ZNF385D: variants seen among roughly 807,000 people sequenced by gnomAD.
The protein encoded by ZNF385D is zinc finger protein 659.
Under a neutral mutation model 35.8 loss-of-function variants are expected in ZNF385D, and 15 were observed. The observed-to-expected ratio is 0.42, with a 90% CI of 0.28 to 0.64. ZNF385D has a LOEUF of 0.64. ZNF385D is among the 30% of genes least tolerant of loss of function. ZNF385D has a pLI of 0.23. For missense variants in ZNF385D, 474 were observed against 494.6 expected, an observed-to-expected ratio of 0.96 and a Z score of 0.39; for synonymous variants, 212 against 186.8, an observed-to-expected ratio of 1.13 and a Z score of -1.10.
intron 3 of ZNF385D, among the ~76,000 whole-genome samples, chr3:21,809,873 C>T (rs1488823161): frequency 6.6e-6 from 1 of 151,700 alleles, no homozygotes. Flanking sequence ...TGAGGTATAA[C>T]TAAAAAAGAA....
At chr3:21,729,228 T>C (rs897028606) in intron 1 of ZNF385D, among the ~76,000 whole-genome samples, 10 of 152,142 alleles carry the variant, frequency 6.6e-5, no homozygotes, top group Non-Finnish European at 1.3e-4. Context: ...TCCTTACACC[T>C]TGAGGCATAA....
chr3:22,048,211 G>A (rs1211384752), intron 3 of ZNF385D, among the ~76,000 whole-genome samples: 1 of 151,708 alleles, frequency 6.6e-6, no homozygotes, highest in African/African-American at 2.4e-5. Context: ...TCTATTTGTT[G>A]TTTCCTTTCC....
chr3:21,715,038 AT>A (rs1265268825), intron 1 of ZNF385D, among the ~76,000 whole-genome samples: 2 of 152,136 alleles, frequency 1.3e-5, no homozygotes, highest in Non-Finnish European at 1.5e-5. Flanking sequence ...TTCAGGTTGT[AT>A]TTTAAATCTT....
intron 1 of ZNF385D, among the ~76,000 whole-genome samples, chr3:21,676,635 C>T (rs1292376273): frequency 2.0e-5 from 3 of 151,992 alleles, no homozygotes; most frequent in Non-Finnish European, 2.9e-5. Flanking sequence ...ACTTTACATA[C>T]ATTATTTGTA....
intron 5 of ZNF385D, among the ~76,000 whole-genome samples, chr3:21,435,255 A>ATTTTTTTTTT (rs3064965): frequency 8.8e-6 from 1 of 113,420 alleles, no homozygotes; most frequent in African/African-American, 3.4e-5. Context: ...ACAACTCCCA[A>ATTTTTTTTTT]TTTTTTTTTT....
intron 3 of ZNF385D, among the ~76,000 whole-genome samples, chr3:21,917,552 G>A (rs181931001): frequency 2.0e-5 from 3 of 152,336 alleles, no homozygotes; most frequent in Non-Finnish European, 4.4e-5. Context: ...CATATGCTAT[G>A]ACATGAAAAG....
chr3:22,139,720 C>G (rs544118765), intron 3 of ZNF385D, among the ~76,000 whole-genome samples: 1 of 152,044 alleles, frequency 6.6e-6, no homozygotes, highest in South Asian at 2.1e-4. Flanking sequence ...ACATATGTAA[C>G]AAACCTGCAC....
intron 2 of ZNF385D, among the ~76,000 whole-genome samples, chr3:22,241,270 C>T (rs1454761741): frequency 1.3e-5 from 2 of 151,144 alleles, no homozygotes; most frequent in East Asian, 3.9e-4. Flanking sequence ...AGGAAGGTGG[C>T]AAGACTTTGG....
intron 3 of ZNF385D, among the ~76,000 whole-genome samples, chr3:22,140,403 G>T (rs1040782019): frequency 1.3e-5 from 2 of 152,142 alleles, no homozygotes; most frequent in African/African-American, 4.8e-5. Flanking sequence ...AACAGGCCGA[G>T]GTTGGGGAAA....
intron 3 of ZNF385D, among the ~76,000 whole-genome samples, chr3:21,906,087 T>C (rs1422414820): frequency 6.6e-6 from 1 of 152,184 alleles, no homozygotes; most frequent in African/African-American, 2.4e-5. Context: ...TATCCATCTC[T>C]TACTCATCTT....
chr3:21,839,811 C>T (rs559152281), intron 3 of ZNF385D, among the ~76,000 whole-genome samples: 33 of 152,132 alleles, frequency 2.2e-4, no homozygotes, highest in African/African-American at 7.9e-4. Context: ...ACTTGACCCT[C>T]ATTACTCCCA....
intron 2 of ZNF385D, among the ~76,000 whole-genome samples, chr3:21,626,213 T>C (rs950708431): frequency 1.1e-4 from 16 of 152,054 alleles, no homozygotes; most frequent in African/African-American, 3.9e-4. Context: ...GCAGAGGTTG[T>C]AGAACAAACC....
intron 2 of ZNF385D, among the ~76,000 whole-genome samples, chr3:22,262,744 T>C (rs1700699533): frequency 6.6e-6 from 1 of 151,926 alleles, no homozygotes; most frequent in South Asian, 2.1e-4. Flanking sequence ...TACAAACTTT[T>C]TGGGTTGTTT....
chr3:21,428,831 G>T (rs1418719829), intron 5 of ZNF385D, among the ~76,000 whole-genome samples: 1 of 151,470 alleles, frequency 6.6e-6, no homozygotes, highest in African/African-American at 2.4e-5. Flanking sequence ...TAAAAGGCTG[G>T]TACTGACAAA....
At chr3:21,566,027 G>A (rs1559412409) in intron 2 of ZNF385D, among the ~76,000 whole-genome samples, 1 of 152,168 alleles carries the variant, frequency 6.6e-6, no homozygotes, top group African/African-American at 2.4e-5. Context: ...GAAAGTTTCT[G>A]ACTTCTTTGT....
intron 2 of ZNF385D, among the ~76,000 whole-genome samples, chr3:22,196,687 CAT>C (rs1239443147): frequency 6.6e-6 from 1 of 151,972 alleles, no homozygotes; most frequent in African/African-American, 2.4e-5. Context: ...TGATTTTGCT[CAT>C]GTTTCACTTG....
chr3:22,039,389 TG>T (rs1698529071), intron 3 of ZNF385D, among the ~76,000 whole-genome samples: 1 of 152,100 alleles, frequency 6.6e-6, no homozygotes, highest in Admixed American at 6.6e-5. Context: ...ACATTTTCAG[TG>T]GCTTCTCAAC....
intron 3 of ZNF385D, among the ~76,000 whole-genome samples, chr3:21,782,270 A>C (rs2071520546): frequency 6.6e-6 from 1 of 152,114 alleles, no homozygotes; most frequent in Non-Finnish European, 1.5e-5. Flanking sequence ...TGGAGGTCAC[A>C]ATGTGAGCAC....
chr3:21,667,400 A>C (rs1388240746), intron 1 of ZNF385D, among the ~76,000 whole-genome samples: 1 of 152,056 alleles, frequency 6.6e-6, no homozygotes, highest in East Asian at 1.9e-4. Context: ...GAGCTCAAGC[A>C]ATCCACCCAC....
Sources: gnomAD v4.1 joint callset for allele counts (sites outside exome capture counted in the v4.1 genomes callset) on GRCh38, gnomAD v4.1.1 for gene constraint, MANE v1.5 for transcripts, NCBI Gene and HGNC (gene_info 2026-07-23, HGNC 2026-07-21) for gene names.